The following CDH7 variants were observed in gnomAD, a reference collection of about 807,000 sequenced individuals.
The protein encoded by CDH7 is cadherin-7.
A neutral mutation model predicts 71.8 loss-of-function variants in CDH7; 25 were observed. The observed-to-expected ratio is 0.35, with a 90% CI of 0.25 to 0.49. The LOEUF is 0.49. Ranked by LOEUF, CDH7 falls within the 20% of genes least tolerant of loss-of-function variation. The pLI, the probability that CDH7 is intolerant of heterozygous loss-of-function variation, is 0.99. For synonymous variants in CDH7, 381 were observed against 363.8 expected (o/e 1.05, Z -0.54); for missense variants, 862 against 974.6 (o/e 0.88, Z 1.54).
chr18:65,834,537 T>C (rs1912467168), intron 6 of CDH7, among the ~76,000 whole-genome samples: 1 of 152,164 alleles, frequency 6.6e-6, no homozygotes, highest in Non-Finnish European at 1.5e-5. Context: ...TCTTCCAGAA[T>C]TAAGATATTT....
At chr18:65,867,498 A>G (rs1913800689) in intron 11 of CDH7, among the ~76,000 whole-genome samples, 1 of 152,190 alleles carries the variant, frequency 6.6e-6, no homozygotes, top group South Asian at 2.1e-4. Flanking sequence ...AATGACTAAG[A>G]CATTCGATTA....
At chr18:65,814,666 T>G in intron 4 of CDH7, 62 bp downstream of exon 4, 1 of 1,466,812 alleles carries the variant, frequency 6.8e-7, no homozygotes, top group African/African-American at 1.4e-5. Flanking sequence ...AGAATTAATA[T>G]TATTTCTAAA....
At chr18:65,801,326 A>G (rs923773957) in intron 2 of CDH7, among the ~76,000 whole-genome samples, 1 of 152,228 alleles carries the variant, frequency 6.6e-6, no homozygotes, top group African/African-American at 2.4e-5. Context: ...GTATCCATCT[A>G]GTCCACATAA....
chr18:65,796,031 T>C (rs1301770098), intron 2 of CDH7, among the ~76,000 whole-genome samples: 1 of 152,158 alleles, frequency 6.6e-6, no homozygotes, highest in Non-Finnish European at 1.5e-5. Flanking sequence ...CAATTAAACC[T>C]TTTTTAAAAT....
intron 2 of CDH7, among the ~76,000 whole-genome samples, chr18:65,799,898 G>T (rs1911058025): frequency 6.6e-6 from 1 of 152,108 alleles, no homozygotes. Context: ...TAGAATTTAA[G>T]TATAGCCACT....
chr18:65,832,815 T>G (rs1912398382), intron 6 of CDH7, among the ~76,000 whole-genome samples: 1 of 152,206 alleles, frequency 6.6e-6, no homozygotes, highest in South Asian at 2.1e-4. Flanking sequence ...ATTTTTTTCT[T>G]TAATATATGG....
intron 6 of CDH7, among the ~76,000 whole-genome samples, chr18:65,830,979 CT>C (rs1912329774): frequency 6.6e-6 from 1 of 151,916 alleles, no homozygotes; most frequent in Admixed American, 6.6e-5. Flanking sequence ...TAAAAAATTG[CT>C]GTTTAAAACT....
chr18:65,885,181 G>A lies in CDH7; in HGVS notation c.*4287G>A, dbSNP rs1001346511. 6.6e-5 allele frequency: 10 copies of A among 151,884 alleles called. No homozygotes were observed. Among genetic ancestry groups the A allele is most frequent in the Non-Finnish European group, 1.3e-4 (9 of 67,964 alleles). 9.4% of individuals were successfully genotyped at this position (151,884 alleles called of 1,614,324 possible). On this transcript the variant is annotated 3_prime_UTR_variant, in exon 12 of 12. Transcript: ENST00000397968. ...AAATGTAATTGAAACTATTTCAGAAGAGTGGGATAAGCCCTTAAGAAAAAT... is the reference window on the plus strand; with the variant it reads ...AAATGTAATTGAAACTATTTCAGAAAAGTGGGATAAGCCCTTAAGAAAAAT...
chr18:65,861,178 C>T (rs943028312), intron 10 of CDH7, among the ~76,000 whole-genome samples: 1 of 152,112 alleles, frequency 6.6e-6, no homozygotes, highest in Non-Finnish European at 1.5e-5. Flanking sequence ...TACCTTAAGC[C>T]CAGAGCTCCC....
At chr18:65,755,315 C>G (rs1430681527) in intron 1 of CDH7, among the ~76,000 whole-genome samples, 1 of 152,170 alleles carries the variant, frequency 6.6e-6, no homozygotes, top group Non-Finnish European at 1.5e-5. Context: ...CAAGGGCTAC[C>G]TTGGTTTTTC....
In CDH7 at chr18:65,839,489, A is replaced by C. The variant is rs1334093586; in HGVS notation, c.982-4323A>C. On this transcript the variant is annotated intron_variant, in intron 6 of 11. Coordinates refer to ENST00000397968, the MANE Select transcript of CDH7 (RefSeq NM_004361.5). The stretch of plus-strand genomic sequence containing the variant: ...ACAGGTCCCACCTCCTAATGGCATC[A>C]CCTTGGGGGTTAGGATTTGAACATA... 7.2e-5 allele frequency among the ~76,000 whole-genome samples: 11 copies of C among 152,266 alleles called. No individual in the cohort carries two copies. In the South Asian group the frequency reaches 8.3e-4, roughly 11 times the overall value.
chr18:65,825,448 T>C (rs901378913), intron 6 of CDH7, among the ~76,000 whole-genome samples: 3 of 151,888 alleles, frequency 2.0e-5, no homozygotes, highest in Non-Finnish European at 4.4e-5. Context: ...AAATTAGCTC[T>C]CAACACAGTT....
intron 2 of CDH7, among the ~76,000 whole-genome samples, chr18:65,792,407 T>C (rs1910747485): frequency 6.6e-6 from 1 of 152,108 alleles, no homozygotes; most frequent in African/African-American, 2.4e-5. Context: ...TCCCGTGTCA[T>C]TTCCCTCAGA....
At chr18:65,777,344 T>C (rs1909983920) in intron 2 of CDH7, among the ~76,000 whole-genome samples, 1 of 152,036 alleles carries the variant, frequency 6.6e-6, no homozygotes, top group Non-Finnish European at 1.5e-5. Flanking sequence ...TACATTTGAG[T>C]ATGCAAATAC....
intron 7 of CDH7, among the ~76,000 whole-genome samples, chr18:65,849,787 T>G (rs1203665668): frequency 6.6e-6 from 1 of 152,118 alleles, no homozygotes; most frequent in Non-Finnish European, 1.5e-5. Flanking sequence ...TTAGTTACCT[T>G]TTTGGAAGAC....
In CDH7 at chr18:65,881,114, C is replaced by T; in HGVS notation, c.*220C>T. ...TAAAGGACTGCACTGACCACAGACTCTGAGCATTTGAAGGTTTTTTGATAA... is the reference window on the plus strand; with the variant it reads ...TAAAGGACTGCACTGACCACAGACTTTGAGCATTTGAAGGTTTTTTGATAA... On this transcript the variant is annotated 3_prime_UTR_variant, in exon 12 of 12. Coordinates refer to ENST00000397968, the MANE Select transcript of CDH7 (RefSeq NM_004361.5). 1 of 423,138 alleles carries T rather than the reference C, an allele frequency of 2.4e-6. No individual in the cohort carries two copies. The highest frequency in any genetic ancestry group is 4.1e-6 in the Non-Finnish European group (1 of 243,030). 26.2% of individuals were successfully genotyped at this position (423,138 alleles called of 1,614,324 possible). A position where few individuals can be genotyped will look rare whatever the true frequency, so the allele number is the denominator to read the frequency against.
At chr18:65,788,274 T>TA (rs1910585194) in intron 2 of CDH7, among the ~76,000 whole-genome samples, 1 of 152,168 alleles carries the variant, frequency 6.6e-6, no homozygotes, top group South Asian at 2.1e-4. Context: ...AATTTTACAT[T>TA]ACTGTCTAAA....
intron 2 of CDH7, among the ~76,000 whole-genome samples, chr18:65,796,684 A>G (rs1172421189): frequency 6.6e-6 from 1 of 152,154 alleles, no homozygotes; most frequent in Non-Finnish European, 1.5e-5. Flanking sequence ...CATCAGAGCG[A>G]CACAAGGGCA....
chr18:65,824,479 C>G (rs541049398), intron 5 of CDH7, among the ~76,000 whole-genome samples, 165 bp from the exon 6 acceptor site: 12 of 152,006 alleles, frequency 7.9e-5, no homozygotes, highest in Non-Finnish European at 1.6e-4. Context: ...CATCATACCT[C>G]TTAAGGCTCT....
Sources: allele counts gnomAD v4.1 joint callset (sites outside exome capture counted in the v4.1 genomes callset), GRCh38; gene constraint gnomAD v4.1.1; transcripts MANE v1.5; gene names NCBI Gene and HGNC (gene_info 2026-07-23, HGNC 2026-07-21).